The following KCNMA1 variants were observed in gnomAD, a reference collection of about 807,000 sequenced individuals.
KCNMA1 encodes Calcium-activated potassium channel subunit alpha-1.
In KCNMA1, 29 loss-of-function variants were observed where a neutral mutation model predicts 140.0. The observed-to-expected ratio is 0.21, with a 90% CI of 0.15 to 0.28. KCNMA1 has a LOEUF of 0.28. Ranked by LOEUF, KCNMA1 falls within the 10% of genes least tolerant of loss-of-function variation. The pLI is 1.00. For missense variants in KCNMA1, 880 were observed against 1,602.2 expected (o/e 0.55, Z 7.70); for synonymous variants, 612 against 611.9 (o/e 1.00, Z 0.00).
chr10:77,114,561 A>G (rs2097405746), intron 6 of KCNMA1, among the ~76,000 whole-genome samples: 1 of 152,170 alleles, frequency 6.6e-6, no homozygotes, highest in Non-Finnish European at 1.5e-5. Flanking sequence ...AAACCTATTT[A>G]CTATAGCTAT....
At chr10:77,524,697 A>T (rs1198493133) in intron 1 of KCNMA1, among the ~76,000 whole-genome samples, 1 of 152,144 alleles carries the variant, frequency 6.6e-6, no homozygotes, top group Non-Finnish European at 1.5e-5. Context: ...TGCTTTATTT[A>T]GGGTGGCAGC....
chr10:76,949,444 T>C, intron 21 of KCNMA1, 78 bp from the exon 22 acceptor site: 4 of 1,225,308 alleles, frequency 3.3e-6, no homozygotes, highest in South Asian at 2.5e-5. Context: ...AAATCATTTG[T>C]GCAAAGAATC....
intron 3 of KCNMA1, among the ~76,000 whole-genome samples, chr10:77,214,397 C>T (rs1020292263): frequency 2.6e-5 from 4 of 152,144 alleles, no homozygotes; most frequent in African/African-American, 9.7e-5. Flanking sequence ...CAACACTGCA[C>T]TTACAGGCGC....
rs372562330 is a variant in KCNMA1, at chr10:77,407,183, C to T, written c.379-3160G>A. Among the ~76,000 whole-genome samples the T allele has an allele frequency of 9.2e-5, 14 of 152,282 alleles. No homozygotes were observed. The East Asian group carries it at 2.3e-3, about 25-fold the overall frequency. ...GAGCTTAATTACCATGTGTGGGAAG[C>T]AGGACTGGGAGGAGTGATGGGGGAG... On this transcript the variant is annotated intron_variant, in intron 1 of 27. Transcript: ENST00000286628.
chr10:77,482,991 T>TACACACAC (rs56364046), intron 1 of KCNMA1, among the ~76,000 whole-genome samples: 84 of 126,854 alleles, frequency 6.6e-4, no homozygotes, highest in Admixed American at 1.5e-3. Flanking sequence ...CTCTCTCACA[T>TACACACAC]ACACACACAC....
intron 14 of KCNMA1, among the ~76,000 whole-genome samples, chr10:77,054,279 T>C (rs983436519): frequency 2.6e-5 from 4 of 152,218 alleles, no homozygotes; most frequent in Non-Finnish European, 5.9e-5. Flanking sequence ...GTCCTTCTCA[T>C]TGCCAAATTT....
intron 3 of KCNMA1, among the ~76,000 whole-genome samples, chr10:77,208,122 A>G (rs1246679542): frequency 1.3e-5 from 2 of 152,226 alleles, no homozygotes; most frequent in African/African-American, 4.8e-5. Context: ...CACTGTTGCA[A>G]ATCTGCGGAT....
At chr10:77,537,758 G>A (rs560358469) in intron 1 of KCNMA1, among the ~76,000 whole-genome samples, 16 of 152,186 alleles carry the variant, frequency 1.1e-4, no homozygotes, top group African/African-American at 3.9e-4. Flanking sequence ...TCAGAGTCTC[G>A]GTGGCACCGC....
chr10:77,317,997 T>G lies in KCNMA1; in HGVS notation c.541-66741A>C, dbSNP rs1382044162. The stretch of plus-strand genomic sequence containing the variant: ...GGTGCCCCAAGTGAGGCAGTAGTGA[T>G]GGAAGAGAGGCATTTACAAAATAAA... On this transcript the variant is annotated intron_variant, in intron 2 of 27. Coordinates refer to ENST00000286628, the MANE Select transcript of KCNMA1 (RefSeq NM_001161352.2). Among the ~76,000 whole-genome samples, 3 of 152,172 alleles carry G rather than the reference T, an allele frequency of 2.0e-5. No homozygotes were observed. In the East Asian group the frequency reaches 5.8e-4, roughly 29 times the overall value.
intron 2 of KCNMA1, among the ~76,000 whole-genome samples, chr10:77,270,204 T>C (rs2064612317): frequency 6.6e-6 from 1 of 152,194 alleles, no homozygotes; most frequent in South Asian, 2.1e-4. Flanking sequence ...AGAAGTCACA[T>C]ATGGTTGAGA....
At chr10:77,545,569 A>C (rs1017519726) in intron 1 of KCNMA1, among the ~76,000 whole-genome samples, 1 of 152,184 alleles carries the variant, frequency 6.6e-6, no homozygotes, top group Non-Finnish European at 1.5e-5. Context: ...ACTGTCCAGC[A>C]TCTCCTGTGC....
intron 9 of KCNMA1, among the ~76,000 whole-genome samples, chr10:77,100,272 A>C (rs2097064110): frequency 6.6e-6 from 1 of 152,174 alleles, no homozygotes; most frequent in South Asian, 2.1e-4. Context: ...ACTAGCTGAC[A>C]TTTGCCTTTG....
At chr10:77,183,997 T>C (rs979723682) in intron 4 of KCNMA1, among the ~76,000 whole-genome samples, 1 of 152,014 alleles carries the variant, frequency 6.6e-6, no homozygotes, top group African/African-American at 2.4e-5. Flanking sequence ...GAAGATTGGG[T>C]GATTTTACTT....
intron 5 of KCNMA1, among the ~76,000 whole-genome samples, chr10:77,132,899 A>T (rs2097895371): frequency 6.6e-6 from 1 of 152,206 alleles, no homozygotes; most frequent in African/African-American, 2.4e-5. Flanking sequence ...AAAGTAATGG[A>T]TTCATTTATG....
intron 1 of KCNMA1, among the ~76,000 whole-genome samples, chr10:77,416,116 G>A (rs1157938344): frequency 6.6e-6 from 1 of 152,120 alleles, no homozygotes; most frequent in African/African-American, 2.4e-5. Context: ...CTACAGGCAG[G>A]AAATTTAAGG....
At chr10:77,308,244 C>T (rs943420463) in intron 2 of KCNMA1, among the ~76,000 whole-genome samples, 1 of 152,112 alleles carries the variant, frequency 6.6e-6, no homozygotes, top group Non-Finnish European at 1.5e-5. Context: ...GGCTGTCACT[C>T]CCCAGGTGCC....
At chr10:77,060,947 C>T (rs1287603423) in intron 14 of KCNMA1, among the ~76,000 whole-genome samples, 1 of 152,058 alleles carries the variant, frequency 6.6e-6, no homozygotes, top group Non-Finnish European at 1.5e-5. Context: ...AGGAACCAGC[C>T]CCGCCACCAT....
chr10:77,187,587 G>A (rs1481890868), intron 3 of KCNMA1, among the ~76,000 whole-genome samples: 7 of 152,204 alleles, frequency 4.6e-5, no homozygotes, highest in East Asian at 1.9e-4. Flanking sequence ...CCGCTGGCGC[G>A]GGTGGCTTTT....
At chr10:77,363,413 C>T (rs2094133680) in intron 2 of KCNMA1, among the ~76,000 whole-genome samples, 1 of 152,220 alleles carries the variant, frequency 6.6e-6, no homozygotes, top group African/African-American at 2.4e-5. Flanking sequence ...GCCAAGGACA[C>T]TCAATGCCAC....
Sources: allele counts gnomAD v4.1 joint callset (sites outside exome capture counted in the v4.1 genomes callset), GRCh38; gene constraint gnomAD v4.1.1; transcripts MANE v1.5; gene names NCBI Gene and HGNC (gene_info 2026-07-23, HGNC 2026-07-21).